Variants in ZNF354B observed in about 807,000 individuals in gnomAD.
The protein encoded by ZNF354B is zinc finger protein 354B.
ZNF354B carries 10 observed loss-of-function variants against 12.9 expected under a neutral mutation model. That is an observed-to-expected ratio of 0.77 (90% CI 0.48 to 1.31). The LOEUF (loss-of-function observed/expected upper bound fraction) is 1.31. ZNF354B is among the 40% of genes most tolerant of loss of function. The pLI is 0.00. For synonymous variants in ZNF354B, 260 were observed against 243.7 expected (o/e 1.07, Z -0.62); for missense variants, 614 against 711.7 (o/e 0.86, Z 1.56).
At chr5:178,863,920 G>A (rs1048101769) in intron 2 of ZNF354B, among the ~76,000 whole-genome samples, 1 of 151,994 alleles carries the variant, frequency 6.6e-6, no homozygotes, top group African/African-American at 2.4e-5. Context: ...ATAAAATAAG[G>A]ATATAAAGAA....
At chr5:178,867,114 T>C in intron 4 of ZNF354B, 43 bp downstream of exon 4, 1 of 1,554,548 alleles carries the variant, frequency 6.4e-7, no homozygotes, top group Non-Finnish European at 8.9e-7. Context: ...CCGCAGACAA[T>C]GGTCTGGTTA....
At chr5:178,860,756 G>A (rs1757332633) in intron 1 of ZNF354B, 1 of 406,346 alleles carries the variant, frequency 2.5e-6, no homozygotes, top group Non-Finnish European at 4.6e-6. Flanking sequence ...CCTGGCCCTG[G>A]TGGGCTCAGC....
chr5:178,877,910 G>A (rs1316620488), intron 4 of ZNF354B, among the ~76,000 whole-genome samples: 1 of 152,102 alleles, frequency 6.6e-6, no homozygotes, highest in African/African-American at 2.4e-5. Flanking sequence ...ATAGAACCTT[G>A]GTGCTTCCTA....
At chr5:178,869,519 G>C (rs1274559665) in intron 4 of ZNF354B, among the ~76,000 whole-genome samples, 1 of 151,498 alleles carries the variant, frequency 6.6e-6, no homozygotes, top group South Asian at 2.1e-4. Context: ...GCCGAATCTT[G>C]TGTGGAAGAG....
intron 2 of ZNF354B, among the ~76,000 whole-genome samples, chr5:178,862,611 A>C (rs986634370): frequency 6.6e-6 from 1 of 152,022 alleles, no homozygotes; most frequent in Non-Finnish European, 1.5e-5. Flanking sequence ...CTCGTGATCC[A>C]CCAGCCACAG....
In ZNF354B at chr5:178,883,150, A is replaced by G. The variant is rs771779602; in HGVS notation, c.698A>G (p.Gln233Arg). The change falls in exon 5 of 5, where the codon CAG becomes CGG. Residue 233 changes from glutamine (Q) to arginine (R), a missense_variant. Transcript: ENST00000322434. ...FIHNSSLRKH[Q>R]KNHTGEKLFK... is the part of the protein sequence containing the mutation. Reference sequence around the variant, plus strand: ...CACAATTCATCCCTTCGTAAACATCAGAAAAACCACACTGGAGAAAAATTA... The same window carrying G: ...CACAATTCATCCCTTCGTAAACATCGGAAAAACCACACTGGAGAAAAATTA... The G allele has an allele frequency of 6.2e-7, 1 of 1,613,562 alleles. No individual in the cohort carries two copies. The highest frequency in any genetic ancestry group is 8.5e-7 in the Non-Finnish European group (1 of 1,179,860).
Position 178,883,246 on chromosome 5 carries a change from C to A in ZNF354B, c.794C>A (p.Thr265Lys). ...SALIQHQRTH[T>K]GEKPYICKEC... The stretch of plus-strand genomic sequence containing the variant: ...CTTATTCAACATCAAAGAACTCATA[C>A]AGGAGAGAAACCCTATATATGTAAA... The change falls in exon 5 of 5, where the codon ACA becomes AAA. Residue 265 changes from threonine (T) to lysine (K), a missense_variant. By Grantham distance (78) the Thr-to-Lys change is moderately conservative (BLOSUM62 -1). Transcript: ENST00000322434. The A allele has an allele frequency of 6.2e-7, 1 of 1,612,704 alleles. No homozygotes were observed. The highest frequency in any genetic ancestry group is 8.5e-7 in the Non-Finnish European group (1 of 1,179,662).
At chr5:178,865,299 C>T (rs975151363) in intron 2 of ZNF354B, among the ~76,000 whole-genome samples, 8 of 151,884 alleles carry the variant, frequency 5.3e-5, no homozygotes, top group Admixed American at 3.3e-4. Context: ...GATGGAGTCT[C>T]ATTCTGTTTC....
At chr5:178,866,181 A>G in intron 2 of ZNF354B, 63 bp from the exon 3 acceptor site, 3 of 1,590,558 alleles carry the variant, frequency 1.9e-6, no homozygotes, top group Non-Finnish European at 2.6e-6. Context: ...TGTCTTCCCC[A>G]CTGCCGCCCC....
chr5:178,877,338 T>C (rs1757653531), intron 4 of ZNF354B, among the ~76,000 whole-genome samples: 2 of 151,992 alleles, frequency 1.3e-5, no homozygotes, highest in African/African-American at 2.4e-5. Flanking sequence ...CCTGGCTAAT[T>C]TTTATGTTTT....
chr5:178,865,792 G>T (rs1757438585), intron 2 of ZNF354B, among the ~76,000 whole-genome samples: 1 of 152,052 alleles, frequency 6.6e-6, no homozygotes, highest in African/African-American at 2.4e-5. Flanking sequence ...CAGCACACAG[G>T]TAGTGCCGTA....
chr5:178,871,373 G>C (rs1757562909), intron 4 of ZNF354B, among the ~76,000 whole-genome samples: 1 of 152,310 alleles, frequency 6.6e-6, no homozygotes, highest in South Asian at 2.1e-4. Context: ...CGTCCATGTG[G>C]CTCACTCACT....
chr5:178,861,456 C>T (rs1443455621), intron 2 of ZNF354B, among the ~76,000 whole-genome samples: 1 of 152,218 alleles, frequency 6.6e-6, no homozygotes, highest in Non-Finnish European at 1.5e-5. Context: ...TGAGAATCCT[C>T]ATAACACCAC....
rs576020071 is a variant in ZNF354B, at chr5:178,866,104, T to A, written c.34-140T>A. On this transcript the variant is annotated intron_variant, in intron 2 of 4. Coordinates refer to ENST00000322434, the MANE Select transcript of ZNF354B (RefSeq NM_058230.3). ...GTATACATTTGTTACTGGCCAATTATTCATTAAAGGAATGACCTGGAACCT... is the reference window on the plus strand; with the variant it reads ...GTATACATTTGTTACTGGCCAATTAATCATTAAAGGAATGACCTGGAACCT... The A allele has an allele frequency of 8.4e-5, 106 of 1,257,742 alleles. No individual in the cohort carries two copies. The African/African-American group carries it at 1.4e-3, about 16-fold the overall frequency. The allele number at this position is 1,257,742 out of a possible 1,614,324, so 77.9% of individuals were successfully genotyped here.
chr5:178,870,312 G>C (rs1466601290), intron 4 of ZNF354B, among the ~76,000 whole-genome samples: 1 of 152,170 alleles, frequency 6.6e-6, no homozygotes, highest in Non-Finnish European at 1.5e-5. Context: ...CTCTTGCTCT[G>C]TTGCCCAGGC....
At chr5:178,877,539 G>A (rs924107960) in intron 4 of ZNF354B, among the ~76,000 whole-genome samples, 4 of 152,140 alleles carry the variant, frequency 2.6e-5, no homozygotes, top group African/African-American at 4.8e-5. Context: ...AGTAGGCACT[G>A]TTCCTTAAAT....
Position 178,866,094 on chromosome 5 carries a change from T to C in ZNF354B, c.34-150T>C, listed in dbSNP as rs749496014. ...GTGCTGCTCAGTATACATTTGTTACTGGCCAATTATTCATTAAAGGAATGA... is the reference window on the plus strand; with the variant it reads ...GTGCTGCTCAGTATACATTTGTTACCGGCCAATTATTCATTAAAGGAATGA... On this transcript the variant is annotated intron_variant, in intron 2 of 4. Coordinates refer to ENST00000322434, the MANE Select transcript of ZNF354B (RefSeq NM_058230.3). 86 of 1,159,608 alleles carry C rather than the reference T, an allele frequency of 7.4e-5. 1 individual carries two copies. Among genetic ancestry groups the C allele is most frequent in the Non-Finnish European group, 9.4e-5 (79 of 839,774 alleles). The allele number at this position is 1,159,608 out of a possible 1,614,324, so 71.8% of individuals were successfully genotyped here. A position where few individuals can be genotyped will look rare whatever the true frequency, so the allele number is the denominator to read the frequency against.
rs1382239086 is a variant in ZNF354B, at chr5:178,883,265, A to G, written c.813A>G (p.Ile271Met). ...CTCATACAGGAGAGAAACCCTATAT[A>G]TGTAAAGAATGTGGGAAAGCCTTCA... ...QRTHTGEKPY[I>M]CKECGKAFSH... Residue 271 changes from isoleucine (I) to methionine (M), a missense_variant, in exon 5 of 5, where the codon ATA (isoleucine) becomes ATG (methionine). Coordinates refer to ENST00000322434, the MANE Select transcript of ZNF354B (RefSeq NM_058230.3). The G allele has an allele frequency of 1.2e-6, 2 of 1,613,190 alleles. No homozygotes were observed. The highest frequency in any genetic ancestry group is 1.3e-5 in the African/African-American group (1 of 74,836).
chr5:178,877,917 C>A (rs1214518700), intron 4 of ZNF354B, among the ~76,000 whole-genome samples: 1 of 152,200 alleles, frequency 6.6e-6, no homozygotes, highest in Non-Finnish European at 1.5e-5. Flanking sequence ...CTTGGTGCTT[C>A]CTACTCTACC....
Sources: gnomAD v4.1 joint callset for allele counts (sites outside exome capture counted in the v4.1 genomes callset) on GRCh38, gnomAD v4.1.1 for gene constraint, MANE v1.5 for transcripts, NCBI Gene and HGNC (gene_info 2026-07-23, HGNC 2026-07-21) for gene names.